The following RTTN variants were observed in gnomAD, a reference collection of about 807,000 sequenced individuals.
The protein encoded by RTTN is rotatin.
A neutral mutation model predicts 269.2 loss-of-function variants in RTTN; 182 were observed. The ratio of observed to expected loss-of-function variants is 0.68; its 90% CI spans 0.60 to 0.76. RTTN has a LOEUF of 0.76. RTTN is among the 30% of genes least tolerant of loss of function. The probability of loss-of-function intolerance (pLI) is 0.00; values close to 1 mark genes in which losing one functional copy is unlikely to be tolerated. For synonymous variants in RTTN, 1,006 were observed against 963.5 expected (o/e 1.04, Z -0.82); for missense variants, 2,545 against 2,608.6 (o/e 0.98, Z 0.53).
At chr18:70,031,864 G>A (rs1215983004) in intron 40 of RTTN, among the ~76,000 whole-genome samples, 2 of 151,928 alleles carry the variant, frequency 1.3e-5, no homozygotes. Context: ...ACCCTGCTCG[G>A]GGCTACCAAG....
rs183242053 is a variant in RTTN, at chr18:70,180,610, C to G, written c.1306-3765G>C. On this transcript the variant is annotated intron_variant, in intron 10 of 48. Transcript: ENST00000640769. ...GGAAGAGAAAAAAAAAAAAAAAAAG[C>G]CCTCACTGACATCCCAAGTTCATAG... is the stretch of plus-strand genomic sequence containing the variant. 2.9e-3 allele frequency among the ~76,000 whole-genome samples: 410 copies of G among 142,150 alleles called. 5 individuals are homozygous for G. The highest frequency in any genetic ancestry group is 9.8e-3 in the African/African-American group (391 of 39,894). The allele number at this position is 142,150 out of a possible 152,430, so 93.3% of individuals were successfully genotyped here.
chr18:70,012,324 G>T (rs2056406394), intron 46 of RTTN, among the ~76,000 whole-genome samples: 2 of 149,406 alleles, frequency 1.3e-5, no homozygotes, highest in Non-Finnish European at 3.0e-5. Flanking sequence ...CACTGGTACT[G>T]GTTAGAAGGC....
intron 40 of RTTN, among the ~76,000 whole-genome samples, chr18:70,042,487 T>C (rs1478918955): frequency 6.8e-6 from 1 of 147,248 alleles, no homozygotes; most frequent in African/African-American, 2.5e-5. Context: ...ACCATTCTCC[T>C]GCCTCAGCCT....
chr18:70,174,472 T>C (rs117736029), intron 11 of RTTN, among the ~76,000 whole-genome samples: 1,732 of 152,214 alleles, frequency 0.011, 19 homozygotes, highest in Non-Finnish European at 0.019. Flanking sequence ...ATTCAGCCTT[T>C]GAACTAGTAA....
chr18:70,009,911 A>AG (rs988395062), intron 46 of RTTN, among the ~76,000 whole-genome samples: 1 of 152,096 alleles, frequency 6.6e-6, no homozygotes, highest in African/African-American at 2.4e-5. Context: ...CAAGCAGGGG[A>AG]GAAAAAAAAA....
chr18:70,009,131 T>A (rs1270146135), intron 46 of RTTN: 1 of 152,242 alleles, frequency 6.6e-6, no homozygotes, highest in Non-Finnish European at 1.5e-5. Flanking sequence ...AGAATTTATC[T>A]TTTCTTTTTT....
intron 5 of RTTN, among the ~76,000 whole-genome samples, chr18:70,198,194 C>G (rs527720290): frequency 6.6e-6 from 1 of 152,176 alleles, no homozygotes; most frequent in Non-Finnish European, 1.5e-5. Flanking sequence ...GATTAGGACT[C>G]CCCTCTTATC....
At chr18:70,190,393 T>C in intron 9 of RTTN, 145 bp downstream of exon 9, 1 of 515,382 alleles carries the variant, frequency 1.9e-6, no homozygotes, top group Non-Finnish European at 3.3e-6. Flanking sequence ...AAAGACCTTA[T>C]TAGGTTTTTA....
chr18:70,186,661 C>T (rs990055162), intron 10 of RTTN, among the ~76,000 whole-genome samples: 2 of 152,204 alleles, frequency 1.3e-5, no homozygotes, highest in African/African-American at 4.8e-5. Context: ...AAATGTGGTA[C>T]ATACACACCA....
chr18:70,057,627 C>T (rs367910136), intron 37 of RTTN, 115 bp downstream of exon 37: 21 of 708,562 alleles, frequency 3.0e-5, no homozygotes, highest in African/African-American at 1.8e-4. Flanking sequence ...TCTCATCATA[C>T]CATGTATATT....
At chr18:70,142,951 G>C (rs1279779210) in intron 18 of RTTN, among the ~76,000 whole-genome samples, 1 of 152,194 alleles carries the variant, frequency 6.6e-6, no homozygotes, top group Non-Finnish European at 1.5e-5. Flanking sequence ...CTTGAACCCA[G>C]GAGGCGGAGG....
chr18:70,191,466 T>C (rs2061670085), intron 8 of RTTN, among the ~76,000 whole-genome samples: 1 of 152,238 alleles, frequency 6.6e-6, no homozygotes, highest in African/African-American at 2.4e-5. Flanking sequence ...AAATGAAGGA[T>C]GTTTCTAGAA....
In RTTN at chr18:70,057,788, C is replaced by CT; in HGVS notation, c.4984dup (p.Arg1662LysfsTer11). The CT allele has an allele frequency of 6.2e-7, 1 of 1,613,848 alleles. No individual in the cohort carries two copies. Among genetic ancestry groups the CT allele is most frequent in the Non-Finnish European group, 8.5e-7 (1 of 1,179,836 alleles). On this transcript the variant is annotated frameshift_variant, in exon 37 of 49. Coordinates refer to ENST00000640769, the MANE Select transcript of RTTN (RefSeq NM_173630.4). LOFTEE classifies it high-confidence loss of function. ...TGGAGGTGATGAAGGCAGCAGGGCT[C>CT]TGAGTTCCTGGACACATGTCTGTAT...
chr18:70,102,083 C>T (rs770857442), intron 28 of RTTN, among the ~76,000 whole-genome samples: 10 of 152,042 alleles, frequency 6.6e-5, no homozygotes, highest in South Asian at 2.1e-4. Flanking sequence ...TCTGTAGATG[C>T]CTATTAGGTC....
chr18:70,148,212 A>G (rs979716859), intron 17 of RTTN, among the ~76,000 whole-genome samples: 2 of 152,142 alleles, frequency 1.3e-5, no homozygotes, highest in African/African-American at 4.8e-5. Flanking sequence ...TCAACCAACT[A>G]TTCCTCTTTA....
rs781050840 is a variant in RTTN, at chr18:70,197,587, T to C, written c.693+37A>G. On this transcript the variant is annotated intron_variant, in intron 6 of 48. Transcript: ENST00000640769. ...ATTTGCTTTATTGCAAAAAGTTCTC[T>C]AGTTCAAAATCTAAAACAATTATAG... 2.1e-5 allele frequency: 28 copies of C among 1,340,390 alleles called. No individual in the cohort carries two copies. The South Asian group carries it at 3.1e-4, about 15-fold the overall frequency. The allele number at this position is 1,340,390 out of a possible 1,614,324, so 83.0% of individuals were successfully genotyped here.
At chr18:70,067,304 C>T (rs1029582921) in intron 34 of RTTN, among the ~76,000 whole-genome samples, 6 of 152,016 alleles carry the variant, frequency 3.9e-5, no homozygotes, top group Admixed American at 3.3e-4. Flanking sequence ...GGACTACAGG[C>T]GCCCGCCACC....
At chr18:70,196,719 TTAAG>T (rs950977741) in intron 6 of RTTN, 71 bp from the exon 7 acceptor site, 23 of 1,440,954 alleles carry the variant, frequency 1.6e-5, no homozygotes, top group African/African-American at 2.9e-5. Flanking sequence ...AATGTGGAGC[TTAAG>T]TAAGTAAGCC....
chr18:70,126,592 A>G (rs1481278386), intron 25 of RTTN, among the ~76,000 whole-genome samples: 3 of 152,138 alleles, frequency 2.0e-5, no homozygotes, highest in African/African-American at 7.2e-5. Flanking sequence ...CAAAGATAAC[A>G]GTAAAATGTT....
Sources: allele counts gnomAD v4.1 joint callset (sites outside exome capture counted in the v4.1 genomes callset), GRCh38; gene constraint gnomAD v4.1.1; transcripts MANE v1.5; gene names NCBI Gene and HGNC (gene_info 2026-07-23, HGNC 2026-07-21).